The following MEF2A variants were observed in gnomAD, a reference collection of about 807,000 sequenced individuals.
MEF2A encodes myocyte enhancer factor 2A, also known as myocyte-specific enhancer factor 2A.
MEF2A carries 28 observed loss-of-function variants against 55.8 expected under a neutral mutation model. The ratio of observed to expected loss-of-function variants is 0.50; its 90% CI spans 0.37 to 0.69. MEF2A has a LOEUF of 0.69. Among genes scored for constraint, MEF2A ranks in the 30% least tolerant of loss-of-function variants. MEF2A has a pLI of 0.00. For synonymous variants in MEF2A, 239 were observed against 227.1 expected, an observed-to-expected ratio of 1.05 and a Z score of -0.47; for missense variants, 528 against 626.2, an observed-to-expected ratio of 0.84 and a Z score of 1.67.
intron 7 of MEF2A, 21 bp from the exon 8 acceptor site, chr15:99,690,220 G>A: frequency 2.5e-6 from 4 of 1,607,684 alleles, no homozygotes; most frequent in Non-Finnish European, 2.6e-6. Flanking sequence ...TCACTTTATT[G>A]AATGATATTT....
chr15:99,631,648 CT>C lies in MEF2A; in HGVS notation c.-142-1318del, dbSNP rs759389499. ...ACTCTGCTAGATTAGGAATCATATCCTTTTTTTTTTTTCTGACCATGTTATC... is the reference window on the plus strand; with the variant it reads ...ACTCTGCTAGATTAGGAATCATATCCTTTTTTTTTTTCTGACCATGTTATC... On this transcript the variant is annotated intron_variant, in intron 2 of 11. Transcript: ENST00000557942. Among the ~76,000 whole-genome samples the C allele has an allele frequency of 8.9e-3, 1,299 of 145,482 alleles. 18 individuals carry two copies. The highest frequency in any genetic ancestry group is 0.017 in the African/African-American group (667 of 39,948).
intron 2 of MEF2A, among the ~76,000 whole-genome samples, chr15:99,626,163 C>G (rs1188787113): frequency 6.6e-6 from 1 of 151,918 alleles, no homozygotes; most frequent in African/African-American, 2.4e-5. Context: ...TTTTTTGTTT[C>G]TTTGCAATTC....
intron 8 of MEF2A, among the ~76,000 whole-genome samples, chr15:99,698,487 G>A (rs377395244): frequency 1.3e-5 from 2 of 152,078 alleles, no homozygotes; most frequent in Non-Finnish European, 2.9e-5. Context: ...CTAGTAAAAT[G>A]GCTAAAATTT....
chr15:99,658,681 A>G (rs1343848284), intron 4 of MEF2A, among the ~76,000 whole-genome samples: 1 of 152,228 alleles, frequency 6.6e-6, no homozygotes, highest in East Asian at 1.9e-4. Context: ...GACGTAAAGA[A>G]ACTATCCTCA....
chr15:99,669,177 T>C (rs2050376439), intron 4 of MEF2A, among the ~76,000 whole-genome samples: 1 of 152,220 alleles, frequency 6.6e-6, no homozygotes, highest in Admixed American at 6.5e-5. Flanking sequence ...GTGATTGCCA[T>C]TTGTGAAAAT....
At chr15:99,677,480 A>G (rs1212881531) in intron 7 of MEF2A, among the ~76,000 whole-genome samples, 1 of 152,198 alleles carries the variant, frequency 6.6e-6, no homozygotes, top group Non-Finnish European at 1.5e-5. Context: ...CAAAGCAAAT[A>G]CAAGAATTAA....
chr15:99,568,480 T>C (rs1310018343), intron 1 of MEF2A, among the ~76,000 whole-genome samples: 1 of 152,228 alleles, frequency 6.6e-6, no homozygotes, highest in Non-Finnish European at 1.5e-5. Context: ...ATTCCAGCAA[T>C]AGCAGTGTCA....
At chr15:99,589,867 A>G (rs996691486) in intron 1 of MEF2A, among the ~76,000 whole-genome samples, 28 of 152,036 alleles carry the variant, frequency 1.8e-4, no homozygotes, top group African/African-American at 6.5e-4. Flanking sequence ...AACAGTTTCT[A>G]TGTCATTTCA....
chr15:99,643,268 A>G (rs190913870), intron 3 of MEF2A, among the ~76,000 whole-genome samples: 14 of 152,310 alleles, frequency 9.2e-5, no homozygotes, highest in African/African-American at 3.4e-4. Context: ...TTTCACTTTT[A>G]GATGTCTTAG....
At chr15:99,567,252 T>G (rs1292125979) in intron 1 of MEF2A, among the ~76,000 whole-genome samples, 1 of 152,244 alleles carries the variant, frequency 6.6e-6, no homozygotes, top group Non-Finnish European at 1.5e-5. Flanking sequence ...TGCTGTGATG[T>G]GTTAACAATA....
At position 99,566,181 on chromosome 15, in the gene MEF2A, C is replaced by G. The variant is rs544264100; in HGVS notation, c.-225+77C>G. The G allele has an allele frequency of 2.7e-3, 195 of 71,610 alleles. 2 individuals are homozygous for G. The highest frequency in any genetic ancestry group is 3.6e-3 in the Non-Finnish European group (136 of 37,964). The allele number at this position is 71,610 out of a possible 1,614,324, so 4.4% of individuals were successfully genotyped here. A position where few individuals can be genotyped will look rare whatever the true frequency, so the allele number is the denominator to read the frequency against. The stretch of plus-strand genomic sequence containing the variant: ...GGGGGCGGCGTCTCGCTTAGGGGAC[C>G]GAGTAGGGGTTGGGGTGGAGGTGCT... On this transcript the variant is annotated intron_variant, in intron 1 of 11. Transcript: ENST00000557942.
intron 8 of MEF2A, among the ~76,000 whole-genome samples, chr15:99,699,617 A>G (rs1326972933): frequency 1.3e-5 from 2 of 152,236 alleles, no homozygotes; most frequent in Non-Finnish European, 2.9e-5. Flanking sequence ...TTTATTACAG[A>G]TAAGTAACAT....
chr15:99,636,803 C>CT (rs34219550), intron 3 of MEF2A, among the ~76,000 whole-genome samples: 37,092 of 151,076 alleles, frequency 0.25, 4,770 homozygotes, highest in African/African-American at 0.31. Context: ...TGTAAGGACT[C>CT]TTTTTTTTTA....
chr15:99,654,525 C>T (rs937478040), intron 4 of MEF2A, among the ~76,000 whole-genome samples: 5 of 146,940 alleles, frequency 3.4e-5, no homozygotes, highest in South Asian at 2.1e-4. Context: ...GGGGACAGAG[C>T]GAGGCTCCAT....
intron 8 of MEF2A, among the ~76,000 whole-genome samples, chr15:99,691,649 G>T (rs2055481235): frequency 6.6e-6 from 1 of 150,962 alleles, no homozygotes; most frequent in South Asian, 2.1e-4. Flanking sequence ...AGTGAGCCGA[G>T]ATCACACCAC....
intron 2 of MEF2A, among the ~76,000 whole-genome samples, chr15:99,605,852 C>A (rs765782044): frequency 6.6e-6 from 1 of 152,000 alleles, no homozygotes; most frequent in Admixed American, 6.6e-5. Flanking sequence ...TGCCTGTAGT[C>A]GCAGCCACTC....
At chr15:99,686,985 C>T (rs964530875) in intron 7 of MEF2A, among the ~76,000 whole-genome samples, 6 of 150,058 alleles carry the variant, frequency 4.0e-5, no homozygotes, top group Admixed American at 1.3e-4. Context: ...AATGTGGTGG[C>T]GTGGTCTTGG....
In MEF2A at chr15:99,703,405, T is replaced by C; in HGVS notation, c.882+20T>C. The C allele has an allele frequency of 6.3e-7, 1 of 1,591,488 alleles. No homozygotes were observed. The highest frequency in any genetic ancestry group is 8.5e-7 in the Non-Finnish European group (1 of 1,171,576). On this transcript the variant is annotated intron_variant, in intron 9 of 11. Coordinates refer to ENST00000557942, the MANE Select transcript of MEF2A (RefSeq NM_001319206.4). ...GAGTTGGTGAGTGTGGGTTTCTGCT[T>C]GAAGGAAGTTGAAAAAGATGTAGAA...
At chr15:99,569,260 C>T (rs561596988) in intron 1 of MEF2A, among the ~76,000 whole-genome samples, 1 of 152,340 alleles carries the variant, frequency 6.6e-6, no homozygotes, top group East Asian at 1.9e-4. Flanking sequence ...TAACACACTG[C>T]GTGAAGCTTC....
Sources: allele counts gnomAD v4.1 joint callset (sites outside exome capture counted in the v4.1 genomes callset), GRCh38; gene constraint gnomAD v4.1.1; transcripts MANE v1.5; gene names NCBI Gene and HGNC (gene_info 2026-07-23, HGNC 2026-07-21).